FAT3: variants seen among roughly 807,000 people sequenced by gnomAD.
FAT3 encodes the protein FAT atypical cadherin 3, also known as protocadherin Fat 3.
FAT3 carries 95 observed loss-of-function variants against 310.2 expected under a neutral mutation model. That is an observed-to-expected ratio of 0.31 (90% confidence interval 0.26 to 0.36). FAT3 has a LOEUF of 0.36. Ranked by LOEUF, FAT3 falls within the 10% of genes least tolerant of loss-of-function variation. The pLI is 1.00. For synonymous variants in FAT3, 2,314 were observed against 2,192.9 expected, an observed-to-expected ratio of 1.06 and a Z score of -1.54; for missense variants, 5,408 against 5,715.6, an observed-to-expected ratio of 0.95 and a Z score of 1.74.
chr11:92,813,005 T>TC (rs1947723296), intron 13 of FAT3, among the ~76,000 whole-genome samples: 2 of 152,122 alleles, frequency 1.3e-5, no homozygotes, highest in Non-Finnish European at 2.9e-5. Context: ...GAGGGGCTTT[T>TC]CCCCCTTTTG....
chr11:92,325,463 AT>A (rs1341558330), intron 1 of FAT3, among the ~76,000 whole-genome samples: 3 of 151,912 alleles, frequency 2.0e-5, no homozygotes, highest in Non-Finnish European at 2.9e-5. Context: ...CTTCCTCTTC[AT>A]TTTTTTAACT....
intron 1 of FAT3, among the ~76,000 whole-genome samples, chr11:92,271,110 C>T (rs192138162): frequency 2.0e-5 from 3 of 152,122 alleles, no homozygotes; most frequent in Non-Finnish European, 2.9e-5. Flanking sequence ...ACTCTACAGT[C>T]CATTCTGCAT....
chr11:92,781,357 C>G (rs1217314482), intron 7 of FAT3, among the ~76,000 whole-genome samples: 1 of 151,742 alleles, frequency 6.6e-6, no homozygotes, highest in Non-Finnish European at 1.5e-5. Flanking sequence ...AGCCACCGCG[C>G]CCGGCCATAA....
At chr11:92,497,229 C>T (rs989000083) in intron 2 of FAT3, among the ~76,000 whole-genome samples, 3 of 151,916 alleles carry the variant, frequency 2.0e-5, no homozygotes, top group Non-Finnish European at 4.4e-5. Context: ...GAAAAGGGAC[C>T]ACAACCCCCT....
intron 1 of FAT3, among the ~76,000 whole-genome samples, 182 bp downstream of exon 1, chr11:92,225,356 C>G (rs2134210641): frequency 6.6e-6 from 1 of 152,232 alleles, no homozygotes; most frequent in Middle Eastern, 3.4e-3. Context: ...CCGCGCAGCC[C>G]CGAGCCGCCG....
chr11:92,404,145 A>G (rs184336443), intron 2 of FAT3, among the ~76,000 whole-genome samples: 102 of 152,146 alleles, frequency 6.7e-4, no homozygotes, highest in Non-Finnish European at 1.1e-3. Flanking sequence ...CCATAAACTC[A>G]TTCATTAGTT....
At chr11:92,582,924 C>T (rs1411174647) in intron 3 of FAT3, among the ~76,000 whole-genome samples, 2 of 152,154 alleles carry the variant, frequency 1.3e-5, no homozygotes, top group Admixed American at 6.6e-5. Context: ...GTAAGTACTA[C>T]TGGAAGCAGT....
chr11:92,281,264 G>A (rs1403597865), intron 1 of FAT3, among the ~76,000 whole-genome samples: 1 of 152,078 alleles, frequency 6.6e-6, no homozygotes, highest in Non-Finnish European at 1.5e-5. Context: ...AAAGCTCACT[G>A]GAAGGAAATA....
At chr11:92,637,926 G>A (rs1021245945) in intron 3 of FAT3, among the ~76,000 whole-genome samples, 5 of 152,138 alleles carry the variant, frequency 3.3e-5, no homozygotes, top group Non-Finnish European at 5.9e-5. Context: ...AGCAAAAGCC[G>A]CATGCTGTTT....
rs375419871 is a variant in FAT3, at chr11:92,796,310, G to A, written c.4823-1526G>A. Among the ~76,000 whole-genome samples the A allele has an allele frequency of 9.9e-5, 15 of 152,220 alleles. No individual in the cohort carries two copies. The South Asian group carries it at 1.5e-3, about 15-fold the overall frequency. On this transcript the variant is annotated intron_variant, in intron 9 of 27. Transcript: ENST00000525166. ...AGGTGGCAAAGTAATAAATCATGCC[G>A]ACATCAAAGACAACATTGTTTAATA...
chr11:92,313,809 C>T (rs1239517364), intron 1 of FAT3, among the ~76,000 whole-genome samples: 3 of 152,230 alleles, frequency 2.0e-5, no homozygotes, highest in Non-Finnish European at 2.9e-5. Flanking sequence ...CTGCCGACCT[C>T]GGCCTCCCAA....
chr11:92,614,924 G>A (rs1196569310), intron 3 of FAT3, among the ~76,000 whole-genome samples: 1 of 151,866 alleles, frequency 6.6e-6, no homozygotes, highest in Non-Finnish European at 1.5e-5. Context: ...TTTTTTTATG[G>A]CTATCCAGTT....
rs1263775203 is a variant in FAT3, at chr11:92,844,513, G to A, written c.11146G>A (p.Ala3716Thr). The A allele has an allele frequency of 6.2e-7, 1 of 1,613,976 alleles. No homozygotes were observed. The highest frequency in any genetic ancestry group is 8.5e-7 in the Non-Finnish European group (1 of 1,179,884). Residue 3716 changes from alanine to threonine, a missense_variant, in exon 19 of 28, where the codon GCC (alanine) becomes ACC (threonine). Around this residue, in one of 5 missense-constraint regions of FAT3, gnomAD observed 4,588 missense variants for 4,809.8 expected, o/e 0.95. Transcript: ENST00000525166. ...EMHSSEFYKP[A>T]YLIQKLSNAR... ...GCACAGCAGCGAGTTCTACAAGCCA[G>A]CCTACCTGATCCAGAAGCTGTCCAA...
chr11:92,352,236 C>T lies in FAT3; in HGVS notation c.124C>T (p.His42Tyr). ...GLPGTGPLGF[H>Y]FTHSIYNATV... Reference sequence around the variant, plus strand: ...GCCAGGGACTGGACCCCTGGGCTTCCACTTCACACATTCCATTTATAATGC... The same window carrying T: ...GCCAGGGACTGGACCCCTGGGCTTCTACTTCACACATTCCATTTATAATGC... Residue 42 changes from histidine (H) to tyrosine (Y), a missense_variant, in exon 2 of 28, where the codon CAC becomes TAC. This residue lies in a region of FAT3 where 152 missense variants were observed against 188.3 expected (regional missense o/e 0.81). Transcript: ENST00000525166. The T allele has an allele frequency of 2.2e-6, 3 of 1,393,702 alleles. No individual in the cohort carries two copies. The highest frequency in any genetic ancestry group is 1.9e-6 in the Non-Finnish European group (2 of 1,039,844). 86.3% of individuals were successfully genotyped at this position (1,393,702 alleles called of 1,614,324 possible).
rs779804492 is a variant in FAT3, at chr11:92,866,742, T to C, written c.11660T>C (p.Ile3887Thr). 3.7e-6 allele frequency: 6 copies of C among 1,611,898 alleles called. No individual in the cohort carries two copies. The Admixed American group carries it at 5.0e-5, about 13-fold the overall frequency. ...TRANPCIILK[I>T]VDGKLWFQLD... ...CTGCACTGTTCCTTCCCCACGCAGA[T>C]TGTGGATGGCAAGCTGTGGTTCCAG... The change falls in exon 22 of 28, where the codon ATT becomes ACT. Residue 3887 changes from isoleucine to threonine, a missense_variant and splice_region_variant. Physicochemically the swap from Ile to Thr is moderately conservative, Grantham distance 89. Transcript: ENST00000525166.
chr11:92,265,645 T>G (rs960006231), intron 1 of FAT3, among the ~76,000 whole-genome samples: 9 of 152,050 alleles, frequency 5.9e-5, no homozygotes, highest in African/African-American at 1.9e-4. Context: ...TTTCTCACAG[T>G]CCTGGAGGCT....
intron 3 of FAT3, among the ~76,000 whole-genome samples, chr11:92,660,287 G>A (rs1004563313): frequency 1.3e-5 from 2 of 152,040 alleles, no homozygotes; most frequent in African/African-American, 4.8e-5. Flanking sequence ...GGGGTGGGGA[G>A]TTTATAAAGG....
At chr11:92,643,399 A>C (rs1210552871) in intron 3 of FAT3, among the ~76,000 whole-genome samples, 4 of 152,194 alleles carry the variant, frequency 2.6e-5, no homozygotes, top group Non-Finnish European at 5.9e-5. Context: ...CAGCCAGTGC[A>C]GTGTCCAGAA....
chr11:92,648,181 C>T (rs897339075), intron 3 of FAT3, among the ~76,000 whole-genome samples: 1 of 152,116 alleles, frequency 6.6e-6, no homozygotes. Flanking sequence ...TGGCAGAGTT[C>T]TTTCTGGGAT....
Sources: allele counts gnomAD v4.1 joint callset (sites outside exome capture counted in the v4.1 genomes callset), GRCh38; gene constraint gnomAD v4.1.1; regional missense constraint gnomAD v4.1.1; transcripts MANE v1.5; gene names NCBI Gene and HGNC (gene_info 2026-07-23, HGNC 2026-07-21).